Variants in TUT4 observed in about 807,000 individuals in gnomAD.
TUT4 encodes the protein terminal uridylyl transferase 4.
Under a neutral mutation model 192.2 loss-of-function variants are expected in TUT4, and 36 were observed. The ratio of observed to expected loss-of-function variants is 0.19; its 90% CI spans 0.14 to 0.25. The LOEUF is 0.25. Among genes scored for constraint, TUT4 ranks in the 10% least tolerant of loss-of-function variants. The pLI is 1.00. For synonymous variants in TUT4, 618 were observed against 666.0 expected (o/e 0.93, Z 1.11); for missense variants, 1,493 against 1,957.2 (o/e 0.76, Z 4.47).
At chr1:52,467,114 C>T (rs965247365) in intron 15 of TUT4, among the ~76,000 whole-genome samples, 2 of 152,084 alleles carry the variant, frequency 1.3e-5, no homozygotes, top group Admixed American at 1.3e-4. Flanking sequence ...CACTGCACTC[C>T]AGTCTGGGCA....
At chr1:52,539,321 A>G (rs1388823902) in intron 1 of TUT4, among the ~76,000 whole-genome samples, 1 of 152,186 alleles carries the variant, frequency 6.6e-6, no homozygotes, top group Non-Finnish European at 1.5e-5. Context: ...CCACTGCCCA[A>G]TATGGATGTC....
chr1:52,552,573 G>A (rs896687110), intron 1 of TUT4, among the ~76,000 whole-genome samples: 5 of 152,218 alleles, frequency 3.3e-5, no homozygotes, highest in Non-Finnish European at 2.9e-5. Flanking sequence ...CAACAGAAAT[G>A]TTCAAACCAA....
intron 27 of TUT4, chr1:52,431,677 T>C: frequency 8.5e-6 from 3 of 353,228 alleles, no homozygotes; most frequent in Non-Finnish European, 1.5e-5. Flanking sequence ...AGCCCAGACA[T>C]GGTTCCCATC....
At position 52,481,542 on chromosome 1, in the gene TUT4, C is replaced by T; in HGVS notation, c.1729G>A (p.Ala577Thr). 3 of 1,613,906 alleles carry T rather than the reference C, an allele frequency of 1.9e-6. No individual in the cohort carries two copies. Among genetic ancestry groups the T allele is most frequent in the Non-Finnish European group, 2.5e-6 (3 of 1,179,968 alleles). The change falls in exon 11 of 30, where the codon GCA becomes ACA. Residue 577 changes from alanine (A) to threonine (T), a missense_variant. This residue lies in a region of TUT4 where 437 missense variants were observed against 577.6 expected (regional missense o/e 0.76). Transcript: ENST00000257177. ...TCAGCAATTGAGTTTTTCTCAGTTG[C>T]ACTACTTGAATTACATTCCCACTTC... The part of the protein sequence containing the change: ...FVKWECNSSS[A>T]TEKNSIAEEN...
intron 20 of TUT4, among the ~76,000 whole-genome samples, chr1:52,447,771 A>G (rs536035863): frequency 5.9e-5 from 9 of 152,302 alleles, no homozygotes; most frequent in African/African-American, 1.9e-4. Flanking sequence ...GGGCAAGACA[A>G]TCATCTCCCT....
At chr1:52,544,005 C>G (rs1023651940) in intron 1 of TUT4, among the ~76,000 whole-genome samples, 1 of 151,940 alleles carries the variant, frequency 6.6e-6, no homozygotes, top group East Asian at 1.9e-4. Flanking sequence ...CTACAATAAT[C>G]AGGCTGGGCA....
chr1:52,442,321 A>C (rs1473461837), intron 24 of TUT4, among the ~76,000 whole-genome samples: 1 of 152,178 alleles, frequency 6.6e-6, no homozygotes, highest in Non-Finnish European at 1.5e-5. Context: ...CTGAAAGAAC[A>C]AGAAAGATGA....
intron 24 of TUT4, among the ~76,000 whole-genome samples, chr1:52,438,753 G>A (rs1654571528): frequency 6.6e-6 from 1 of 152,124 alleles, no homozygotes; most frequent in Admixed American, 6.5e-5. Context: ...GGCTACTTCT[G>A]GAAAGGAATT....
chr1:52,461,461 T>C (rs1662541900), intron 18 of TUT4, 52 bp downstream of exon 18: 1 of 1,518,850 alleles, frequency 6.6e-7, no homozygotes, highest in Non-Finnish European at 9.0e-7. Context: ...GTCAGTAATC[T>C]GTAAACTTTT....
chr1:52,463,343 T>C (rs1274828409), intron 16 of TUT4: 21 of 994,324 alleles, frequency 2.1e-5, no homozygotes, highest in Admixed American at 5.8e-5. Flanking sequence ...AGAATTTAAG[T>C]AAAGGAGAAC....
At chr1:52,549,314 C>T (rs1398990085) in intron 1 of TUT4, among the ~76,000 whole-genome samples, 2 of 152,158 alleles carry the variant, frequency 1.3e-5, no homozygotes, top group Admixed American at 1.3e-4. Context: ...TCATTTATCT[C>T]ACCATTCTAT....
intron 2 of TUT4, among the ~76,000 whole-genome samples, chr1:52,524,177 G>T (rs1681066199): frequency 6.6e-6 from 1 of 152,126 alleles, no homozygotes. Context: ...TCCTATCAAA[G>T]AATTTCCTGC....
In TUT4 at chr1:52,474,977, G is replaced by A. The variant is rs779898946; in HGVS notation, c.2582C>T (p.Ser861Leu). 2 of 1,614,188 alleles carry A rather than the reference G, an allele frequency of 1.2e-6. No homozygotes were observed. The highest frequency in any genetic ancestry group is 2.7e-5 in the African/African-American group (2 of 75,060). ...DCRSNLETES[S>L]HQSVCTDTSA... ...TGTGTCGGTGCACACACTCTGATGT[G>A]AACTCTCTGTTTCTAAATTTGACCT... Residue 861 changes from serine (S) to leucine (L), a missense_variant, in exon 13 of 30, where the codon TCA becomes TTA. This residue lies in a region of TUT4 where 245 missense variants were observed against 218.4 expected (regional missense o/e 1.12). Transcript: ENST00000257177.
chr1:52,446,848 A>T (rs1008909894), intron 20 of TUT4, among the ~76,000 whole-genome samples, 181 bp from the exon 21 acceptor site: 1 of 152,226 alleles, frequency 6.6e-6, no homozygotes, highest in Non-Finnish European at 1.5e-5. Context: ...CGTATCTGAA[A>T]GACCAAAGCT....
chr1:52,519,489 T>C (rs1343808251), intron 2 of TUT4, among the ~76,000 whole-genome samples: 2 of 152,100 alleles, frequency 1.3e-5, no homozygotes, highest in Admixed American at 6.5e-5. Context: ...GAACACTTAA[T>C]ACTTAGATTT....
At chr1:52,479,997 G>GGA (rs772958158) in intron 11 of TUT4, among the ~76,000 whole-genome samples, 8 of 67,204 alleles carry the variant, frequency 1.2e-4, no homozygotes, top group Non-Finnish European at 2.5e-4. Context: ...TCCGTCTCAG[G>GGA]AAAAAAAAAA....
chr1:52,544,180 C>G (rs749584993), intron 1 of TUT4, among the ~76,000 whole-genome samples: 1 of 150,596 alleles, frequency 6.6e-6, no homozygotes, highest in African/African-American at 2.4e-5. Context: ...CCAGGCTACT[C>G]GGGAGGCTGA....
intron 4 of TUT4, among the ~76,000 whole-genome samples, chr1:52,497,834 C>T (rs1672845783): frequency 6.6e-6 from 1 of 152,192 alleles, no homozygotes; most frequent in Admixed American, 6.5e-5. Context: ...CCCACAATTT[C>T]ATATCCTACT....
At chr1:52,553,249 G>T (rs911488813), upstream of TUT4, 1 of 152,686 alleles carries the variant, frequency 6.5e-6, no homozygotes, top group Admixed American at 6.6e-5. Context: ...CCTGGCCCGG[G>T]AGAGGAGGAG....
Sources: gnomAD v4.1 joint callset for allele counts (sites outside exome capture counted in the v4.1 genomes callset) on GRCh38, gnomAD v4.1.1 for gene constraint, gnomAD v4.1.1 regional missense constraint, MANE v1.5 for transcripts, NCBI Gene and HGNC (gene_info 2026-07-23, HGNC 2026-07-21) for gene names.